The following SLCO3A1 variants were observed in gnomAD, a reference collection of about 807,000 sequenced individuals.
The protein encoded by SLCO3A1 is solute carrier organic anion transporter family member 3A1.
Under a neutral mutation model 63.1 loss-of-function variants are expected in SLCO3A1, and 27 were observed. The ratio of observed to expected loss-of-function variants is 0.43; its 90% CI spans 0.32 to 0.59. SLCO3A1 has a LOEUF of 0.59. Ranked by LOEUF, SLCO3A1 falls within the 20% of genes least tolerant of loss-of-function variation. The pLI is 0.09. For synonymous variants in SLCO3A1, 473 were observed against 409.9 expected, an observed-to-expected ratio of 1.15 and a Z score of -1.86; for missense variants, 773 against 945.8, an observed-to-expected ratio of 0.82 and a Z score of 2.40.
At chr15:92,108,671 C>G (rs2047693621) in intron 4 of SLCO3A1, among the ~76,000 whole-genome samples, 1 of 152,218 alleles carries the variant, frequency 6.6e-6, no homozygotes. Flanking sequence ...AGGGTCTCTT[C>G]TGCAGCCGCA....
rs1007925231 is a variant in SLCO3A1 at position 91,971,016 on chromosome 15, T to A, written c.646+54558T>A. 2.0e-5 allele frequency among the ~76,000 whole-genome samples: 3 copies of A among 152,126 alleles called. No homozygotes were observed. In the East Asian group the frequency reaches 5.8e-4, roughly 29 times the overall value. On this transcript the variant is annotated intron_variant, in intron 2 of 9. Coordinates refer to ENST00000318445, the MANE Select transcript of SLCO3A1 (RefSeq NM_013272.4). ...CTAAAATGTATTTGTAGCCCCCAAA[T>A]CAATACTCACGGCACCTTTGAAGAC...
chr15:92,111,156 GGACCCAGCTCATGCCTCTCCACAT>G (rs965001404), intron 4 of SLCO3A1, among the ~76,000 whole-genome samples: 15 of 152,132 alleles, frequency 9.9e-5, no homozygotes, highest in Non-Finnish European at 1.9e-4. Context: ...CCTGTCCACA[GGACCCAGCTCATGCCTCTCCACAT>G]GACCCAGCTC....
At chr15:91,904,888 T>G (rs1417440262) in intron 1 of SLCO3A1, among the ~76,000 whole-genome samples, 2 of 152,204 alleles carry the variant, frequency 1.3e-5, no homozygotes, top group Non-Finnish European at 2.9e-5. Context: ...ATTGGTTATC[T>G]TGATAGTTAC....
chr15:92,147,620 G>A (rs945863813), intron 8 of SLCO3A1, among the ~76,000 whole-genome samples: 1 of 152,158 alleles, frequency 6.6e-6, no homozygotes, highest in Non-Finnish European at 1.5e-5. Flanking sequence ...GACCCACTGA[G>A]ACCATGTGTG....
chr15:91,987,061 G>T (rs2046062648), intron 2 of SLCO3A1, among the ~76,000 whole-genome samples: 1 of 152,098 alleles, frequency 6.6e-6, no homozygotes, highest in African/African-American at 2.4e-5. Flanking sequence ...CAGCCCCAAA[G>T]ATTCTTTGCA....
At position 91,942,731 on chromosome 15, in the gene SLCO3A1, G is replaced by C. The variant is rs1451877290; in HGVS notation, c.646+26273G>C. On this transcript the variant is annotated intron_variant, in intron 2 of 9. Coordinates refer to ENST00000318445, the MANE Select transcript of SLCO3A1 (RefSeq NM_013272.4). The surrounding 1 kb of genome is among the most constrained non-coding windows in gnomAD (Gnocchi z 4.1). ...TTACAGGCGTGCACCACCACGCCCG[G>C]CTAATTTTTGAAAAGAGATGGGGTT... Among the ~76,000 whole-genome samples the C allele has an allele frequency of 6.6e-6, 1 of 152,142 alleles. No individual in the cohort carries two copies. The highest frequency in any genetic ancestry group is 1.9e-4 in the East Asian group (1 of 5,176).
At chr15:91,965,771 A>C (rs1900636909) in intron 2 of SLCO3A1, among the ~76,000 whole-genome samples, 1 of 151,054 alleles carries the variant, frequency 6.6e-6, no homozygotes, top group African/African-American at 2.4e-5. Context: ...AATTCGTAGG[A>C]GTGAGTGTGG....
chr15:92,044,412 T>G (rs2046835507), intron 2 of SLCO3A1, among the ~76,000 whole-genome samples: 1 of 152,154 alleles, frequency 6.6e-6, no homozygotes, highest in Non-Finnish European at 1.5e-5. Context: ...CTCTTCCCAT[T>G]GTGGGTTTCA....
intron 2 of SLCO3A1, among the ~76,000 whole-genome samples, chr15:92,071,453 A>T: frequency 6.6e-6 from 1 of 152,248 alleles, no homozygotes; most frequent in Admixed American, 6.5e-5. Context: ...TGAAAGCTGT[A>T]GTCACTTCCC....
chr15:92,016,209 A>ATACAT (rs2046425322), intron 2 of SLCO3A1, among the ~76,000 whole-genome samples: 2 of 67,946 alleles, frequency 2.9e-5, no homozygotes, highest in African/African-American at 1.5e-4. Context: ...ATTTATATAG[A>ATACAT]TAGATAGATA....
rs2046203473 is a variant in SLCO3A1 at position 91,997,332 on chromosome 15, A to G, written c.646+80874A>G. On this transcript the variant is annotated intron_variant, in intron 2 of 9. Coordinates refer to ENST00000318445, the MANE Select transcript of SLCO3A1 (RefSeq NM_013272.4). ...AAAGATCTCTAGAAGGAAAACTACA[A>G]AACACTGCTGAATGATGTCATAGAT... is the stretch of plus-strand genomic sequence containing the variant. Among the ~76,000 whole-genome samples, 3 of 152,222 alleles carry G rather than the reference A, an allele frequency of 2.0e-5. No homozygotes were observed. In the South Asian group the frequency reaches 6.2e-4, roughly 32 times the overall value.
chr15:92,157,203 T>G (rs924569098), intron 9 of SLCO3A1: 1 of 152,186 alleles, frequency 6.6e-6, no homozygotes, highest in Non-Finnish European at 1.5e-5. Context: ...TGGAACCCTA[T>G]TAACACCTGC....
intron 2 of SLCO3A1, among the ~76,000 whole-genome samples, chr15:92,019,165 T>G (rs2046475939): frequency 6.6e-6 from 1 of 152,148 alleles, no homozygotes; most frequent in South Asian, 2.1e-4. Context: ...GCCTCTCACT[T>G]GTGCAGGCAG....
At chr15:91,891,369 A>G (rs1013989149) in intron 1 of SLCO3A1, among the ~76,000 whole-genome samples, 2 of 152,190 alleles carry the variant, frequency 1.3e-5, no homozygotes, top group Non-Finnish European at 2.9e-5. Context: ...ATCCATGAGC[A>G]GATAAAAAGA....
At chr15:91,908,769 A>C (rs1054611152) in intron 1 of SLCO3A1, 2 of 145,728 alleles carry the variant, frequency 1.4e-5, no homozygotes, top group Admixed American at 6.8e-5. Flanking sequence ...AAAAAAAAAA[A>C]AAAAAACTTG....
At chr15:91,909,501 C>T (rs907049983) in intron 1 of SLCO3A1, among the ~76,000 whole-genome samples, 10 of 152,132 alleles carry the variant, frequency 6.6e-5, no homozygotes, top group Admixed American at 6.5e-5. Flanking sequence ...TTTGCAGGAC[C>T]ACAGCGAGAT....
downstream of SLCO3A1, among the ~76,000 whole-genome samples, chr15:92,167,893 G>C (rs1407885470): frequency 6.6e-6 from 1 of 152,202 alleles, no homozygotes; most frequent in South Asian, 2.1e-4. Flanking sequence ...ATGGAGACAG[G>C]GACAACTCAC....
intron 2 of SLCO3A1, among the ~76,000 whole-genome samples, chr15:92,051,343 G>A (rs1172167558): frequency 6.6e-6 from 1 of 152,106 alleles, no homozygotes; most frequent in Admixed American, 6.6e-5. Context: ...GAACAGCTTT[G>A]GGACAGCATC....
intron 1 of SLCO3A1, among the ~76,000 whole-genome samples, chr15:91,892,386 C>T (rs759993324): frequency 5.3e-5 from 8 of 152,122 alleles, no homozygotes; most frequent in Non-Finnish European, 1.2e-4. Context: ...GAAAGAGGTA[C>T]GTGAAGAGTC....
Sources: gnomAD v4.1 joint callset for allele counts (sites outside exome capture counted in the v4.1 genomes callset) on GRCh38, gnomAD v4.1.1 for gene constraint, Gnocchi (gnomAD v3.1) non-coding constraint, MANE v1.5 for transcripts, NCBI Gene and HGNC (gene_info 2026-07-23, HGNC 2026-07-21) for gene names.